The following AMBRA1 variants were observed in gnomAD, a reference collection of about 807,000 sequenced individuals.
AMBRA1 encodes the protein activating molecule in BECN1-regulated autophagy protein 1.
AMBRA1 carries 47 observed loss-of-function variants against 125.4 expected under a neutral mutation model. That is an observed-to-expected ratio of 0.37 (90% CI 0.30 to 0.48). The LOEUF (loss-of-function observed/expected upper bound fraction) is 0.48, where lower values mean the gene tolerates loss of function less well. Among genes scored for constraint, AMBRA1 ranks in the 20% least tolerant of loss-of-function variants. The probability of loss-of-function intolerance (pLI) is 0.99; values close to 1 mark genes in which losing one functional copy is unlikely to be tolerated. For synonymous variants in AMBRA1, 626 were observed against 655.5 expected (o/e 0.95, Z 0.69); for missense variants, 1,331 against 1,693.4 (o/e 0.79, Z 3.76).
At chr11:46,403,776 T>C (rs952121334) in intron 17 of AMBRA1, among the ~76,000 whole-genome samples, 3 of 152,106 alleles carry the variant, frequency 2.0e-5, no homozygotes, top group African/African-American at 7.2e-5. Context: ...ACCACATTTT[T>C]ATAGAACAAG....
intron 7 of AMBRA1, among the ~76,000 whole-genome samples, chr11:46,516,868 C>A (rs1426857433): frequency 6.6e-6 from 1 of 151,996 alleles, no homozygotes; most frequent in Non-Finnish European, 1.5e-5. Flanking sequence ...TAATCTATCA[C>A]AAGAAATCAG....
chr11:46,450,320 T>C (rs998308092), intron 11 of AMBRA1, among the ~76,000 whole-genome samples: 2 of 152,082 alleles, frequency 1.3e-5, no homozygotes, highest in African/African-American at 2.4e-5. Flanking sequence ...CTACATACTA[T>C]AGGATTCCAA....
chr11:46,557,230 C>T (rs1591115829), intron 1 of AMBRA1, among the ~76,000 whole-genome samples: 1 of 142,820 alleles, frequency 7.0e-6, no homozygotes, highest in African/African-American at 2.6e-5. Flanking sequence ...AAACCTGGGA[C>T]ACAGAGGTTG....
chr11:46,468,615 C>T (rs575786705), intron 11 of AMBRA1, among the ~76,000 whole-genome samples: 2 of 150,394 alleles, frequency 1.3e-5, no homozygotes, highest in Middle Eastern at 3.4e-3. Context: ...TAGCTAACAC[C>T]GTGAAACCCC....
chr11:46,399,209 G>A (rs953876828), intron 17 of AMBRA1, among the ~76,000 whole-genome samples: 3 of 151,876 alleles, frequency 2.0e-5, no homozygotes, highest in Admixed American at 1.3e-4. Context: ...GAGTAGCTGG[G>A]ATTACAGGTG....
At chr11:46,553,200 C>A (rs1430934472) in intron 1 of AMBRA1, among the ~76,000 whole-genome samples, 1 of 152,060 alleles carries the variant, frequency 6.6e-6, no homozygotes. Flanking sequence ...GCCTCAGCCT[C>A]CCAAAGTGCT....
chr11:46,415,965 CAT>C (rs1471154973), intron 15 of AMBRA1, among the ~76,000 whole-genome samples: 1 of 152,160 alleles, frequency 6.6e-6, no homozygotes, highest in African/African-American at 2.4e-5. Context: ...GGGTTTCAGA[CAT>C]AAAAACCTTT....
At chr11:46,404,090 G>A (rs1366576585) in intron 17 of AMBRA1, among the ~76,000 whole-genome samples, 3 of 152,204 alleles carry the variant, frequency 2.0e-5, no homozygotes, top group East Asian at 1.9e-4. Flanking sequence ...CCAGGAGGCT[G>A]AGGTGGGAGG....
In AMBRA1 at chr11:46,434,889, G is replaced by A; in HGVS notation, c.2781C>T (p.Ala927=). The change falls in exon 13 of 18, where the codon GCC becomes GCT. Residue 927 remains alanine (A), a synonymous_variant. Transcript: ENST00000683756. ...AGAGCATTTCGCCCAGGTTATGGGG[G>A]GCCAGGGAGTACACTGCCAGGATGC... is the stretch of plus-strand genomic sequence containing the variant. ...DEGILAVYSL[A]PHNLGEMLYT... The A allele has an allele frequency of 6.2e-7, 1 of 1,613,462 alleles. No individual in the cohort carries two copies. The highest frequency in any genetic ancestry group is 8.5e-7 in the Non-Finnish European group (1 of 1,179,718).
intron 7 of AMBRA1, chr11:46,518,110 G>GA (rs1278331265): frequency 2.0e-6 from 2 of 984,902 alleles, no homozygotes; most frequent in East Asian, 2.3e-4. Context: ...ATACTGAAAA[G>GA]AAAGAGATAG....
chr11:46,474,708 T>C (rs1364426463), intron 11 of AMBRA1, among the ~76,000 whole-genome samples: 3 of 152,128 alleles, frequency 2.0e-5, no homozygotes, highest in Non-Finnish European at 4.4e-5. Flanking sequence ...TTCTTAAGCA[T>C]CTATACTATA....
At chr11:46,407,280 T>C (rs1430199090) in intron 17 of AMBRA1, among the ~76,000 whole-genome samples, 1 of 152,176 alleles carries the variant, frequency 6.6e-6, no homozygotes, top group African/African-American at 2.4e-5. Context: ...CAAATCCCTC[T>C]CGCTGTCAGG....
intron 17 of AMBRA1, among the ~76,000 whole-genome samples, chr11:46,400,778 C>T (rs1011564308): frequency 2.6e-5 from 4 of 152,000 alleles, no homozygotes; most frequent in African/African-American, 4.8e-5. Flanking sequence ...TGAGTCACTG[C>T]GCCCAGCCCC....
intron 11 of AMBRA1, among the ~76,000 whole-genome samples, chr11:46,447,708 GTAGATAGATAGATAGATAGA>G (rs59044666): frequency 0.22 from 30,246 of 138,504 alleles, 3,702 homozygotes; most frequent in Admixed American, 0.31. Flanking sequence ...AGACCATCTT[GTAGATAGATAGATAGATAGA>G]TAGATAGATA....
chr11:46,576,534 G>C (rs1006419825), intron 1 of AMBRA1, among the ~76,000 whole-genome samples: 1 of 152,164 alleles, frequency 6.6e-6, no homozygotes, highest in South Asian at 2.1e-4. Flanking sequence ...GCTCACACCT[G>C]AATGATCCCA....
chr11:46,479,204 A>C (rs2136913237), intron 11 of AMBRA1, among the ~76,000 whole-genome samples: 1 of 152,140 alleles, frequency 6.6e-6, no homozygotes, highest in African/African-American at 2.4e-5. Context: ...TCTCAAAAGA[A>C]AGAAAAGAAA....
intron 9 of AMBRA1, among the ~76,000 whole-genome samples, chr11:46,498,449 G>C (rs906747552): frequency 9.2e-5 from 14 of 152,132 alleles, no homozygotes; most frequent in African/African-American, 3.1e-4. Context: ...TTAACTCTCA[G>C]AGGGGTATTT....
intron 11 of AMBRA1, chr11:46,491,155 A>G (rs1950445902): frequency 6.6e-6 from 1 of 152,234 alleles, no homozygotes; most frequent in Non-Finnish European, 1.5e-5. Flanking sequence ...TAGAATAATT[A>G]AAACAAACAA....
intron 5 of AMBRA1, among the ~76,000 whole-genome samples, chr11:46,545,366 G>A (rs937431381): frequency 1.3e-5 from 2 of 152,000 alleles, no homozygotes; most frequent in Non-Finnish European, 1.5e-5. Flanking sequence ...GGAGGCTGAG[G>A]CACGAGAATC....
Sources: allele counts gnomAD v4.1 joint callset (sites outside exome capture counted in the v4.1 genomes callset), GRCh38; gene constraint gnomAD v4.1.1; transcripts MANE v1.5; gene names NCBI Gene and HGNC (gene_info 2026-07-23, HGNC 2026-07-21).